IGSF11: variants seen among roughly 807,000 people sequenced by gnomAD.
IGSF11 encodes the protein immunoglobulin superfamily member 11, also known as CXADR like 1.
A neutral mutation model predicts 41.0 loss-of-function variants in IGSF11; 22 were observed. The ratio of observed to expected loss-of-function variants is 0.54; its 90% CI spans 0.38 to 0.77. The LOEUF (loss-of-function observed/expected upper bound fraction) is 0.77, where lower values mean the gene tolerates loss of function less well. Ranked by LOEUF, IGSF11 falls within the 30% of genes least tolerant of loss-of-function variation. The probability of loss-of-function intolerance (pLI) is 0.00; values close to 1 mark genes in which losing one functional copy is unlikely to be tolerated. For synonymous variants in IGSF11, 219 were observed against 201.3 expected (o/e 1.09, Z -0.74); for missense variants, 444 against 530.8 (o/e 0.84, Z 1.61).
chr3:119,010,409 A>C (rs1204528676), intron 1 of IGSF11, among the ~76,000 whole-genome samples: 1 of 152,260 alleles, frequency 6.6e-6, no homozygotes, highest in East Asian at 1.9e-4. Flanking sequence ...GGATATCCGG[A>C]AAGTGGGTAA....
At chr3:118,993,564 T>C (rs1245088155) in intron 1 of IGSF11, among the ~76,000 whole-genome samples, 4 of 152,214 alleles carry the variant, frequency 2.6e-5, no homozygotes, top group Admixed American at 6.5e-5. Context: ...ATTTATAGAA[T>C]ATGTGTTCAC....
intron 1 of IGSF11, among the ~76,000 whole-genome samples, chr3:119,134,435 G>A (rs952287278): frequency 2.0e-5 from 3 of 152,106 alleles, no homozygotes; most frequent in African/African-American, 4.8e-5. Flanking sequence ...CAAACAGAGA[G>A]CCAAATCATG....
chr3:119,001,817 C>A (rs1305104683), intron 1 of IGSF11, among the ~76,000 whole-genome samples: 1 of 141,882 alleles, frequency 7.0e-6, no homozygotes, highest in Non-Finnish European at 1.5e-5. Flanking sequence ...TTTTTTATGG[C>A]TGCATAGTAT....
chr3:118,905,940 C>A (rs78484603), intron 4 of IGSF11, among the ~76,000 whole-genome samples: 1 of 152,096 alleles, frequency 6.6e-6, no homozygotes, highest in South Asian at 2.1e-4. Context: ...TAAATCAGAA[C>A]AATCTTAAAA....
chr3:119,137,568 A>G (rs2077580154), intron 1 of IGSF11, among the ~76,000 whole-genome samples: 1 of 152,172 alleles, frequency 6.6e-6, no homozygotes, highest in Non-Finnish European at 1.5e-5. Flanking sequence ...AAAGAATCAA[A>G]TCAAAATTAA....
intron 1 of IGSF11, among the ~76,000 whole-genome samples, chr3:119,004,424 C>A (rs1175588796): frequency 6.6e-6 from 1 of 151,710 alleles, no homozygotes; most frequent in Non-Finnish European, 1.5e-5. Flanking sequence ...CTCCTGGATT[C>A]ATTGATTTTT....
intron 4 of IGSF11, among the ~76,000 whole-genome samples, chr3:118,917,316 G>A (rs1011648019): frequency 6.6e-6 from 1 of 150,506 alleles, no homozygotes; most frequent in Admixed American, 6.6e-5. Context: ...AATGAATCCA[G>A]GAGCTGGTTT....
intron 1 of IGSF11, among the ~76,000 whole-genome samples, chr3:119,088,776 C>T (rs1173661766): frequency 6.6e-6 from 1 of 152,030 alleles, no homozygotes; most frequent in Non-Finnish European, 1.5e-5. Context: ...CAACTGATCC[C>T]ACAGAAATAC....
chr3:118,939,575 C>CAAA (rs34558286), intron 1 of IGSF11, among the ~76,000 whole-genome samples: 66 of 137,460 alleles, frequency 4.8e-4, no homozygotes, highest in East Asian at 2.1e-3. Flanking sequence ...GACTCCGTCT[C>CAAA]AAAAAAAAAA....
chr3:119,054,888 G>A (rs1941762844), intron 1 of IGSF11, among the ~76,000 whole-genome samples: 2 of 144,710 alleles, frequency 1.4e-5, no homozygotes, highest in African/African-American at 4.9e-5. Flanking sequence ...TCCTCAAGTG[G>A]GTCCCTGACA....
chr3:118,911,668 A>C (rs1559880014), intron 4 of IGSF11, among the ~76,000 whole-genome samples: 1 of 151,662 alleles, frequency 6.6e-6, no homozygotes, highest in African/African-American at 2.4e-5. Flanking sequence ...AGAGAGAACA[A>C]AGAGGAGAGA....
chr3:118,921,196 G>C (rs924004920), intron 4 of IGSF11, among the ~76,000 whole-genome samples: 1 of 152,092 alleles, frequency 6.6e-6, no homozygotes, highest in African/African-American at 2.4e-5. Context: ...GCAATTTGCT[G>C]ATTATATTCC....
chr3:119,083,525 CACACACACACAA>C (rs1219873675), intron 1 of IGSF11, among the ~76,000 whole-genome samples: 1 of 118,802 alleles, frequency 8.4e-6, no homozygotes, highest in East Asian at 2.5e-4. Flanking sequence ...CACACACACA[CACACACACACAA>C]ACACACACAC....
At chr3:119,123,414 G>A (rs1294862963) in intron 1 of IGSF11, among the ~76,000 whole-genome samples, 1 of 152,214 alleles carries the variant, frequency 6.6e-6, no homozygotes, top group Non-Finnish European at 1.5e-5. Flanking sequence ...CCTGGCACCT[G>A]AGGTAACTCA....
intron 1 of IGSF11, among the ~76,000 whole-genome samples, chr3:118,939,137 C>G (rs551255134): frequency 6.6e-6 from 1 of 152,138 alleles, no homozygotes; most frequent in Non-Finnish European, 1.5e-5. Context: ...TTAAAGTAGA[C>G]ATGGAACATC....
At chr3:119,070,660 G>C (rs552152910) in intron 1 of IGSF11, among the ~76,000 whole-genome samples, 7 of 151,926 alleles carry the variant, frequency 4.6e-5, no homozygotes, top group Non-Finnish European at 8.8e-5. Flanking sequence ...CTTTGTTTTG[G>C]TTTGGGTTTT....
intron 1 of IGSF11, among the ~76,000 whole-genome samples, chr3:119,033,836 G>A (rs1040344269): frequency 2.0e-5 from 3 of 152,182 alleles, no homozygotes; most frequent in African/African-American, 7.2e-5. Flanking sequence ...CACCGAAAAT[G>A]TAAGAAAGAT....
intron 1 of IGSF11, among the ~76,000 whole-genome samples, chr3:119,142,127 T>C (rs1287349155): frequency 6.6e-6 from 1 of 151,800 alleles, no homozygotes; most frequent in Non-Finnish European, 1.5e-5. Flanking sequence ...TACAAAAAAT[T>C]AGCTGGGCAT....
intron 1 of IGSF11, among the ~76,000 whole-genome samples, chr3:119,113,916 A>G (rs2107523368): frequency 6.6e-6 from 1 of 152,328 alleles, no homozygotes. Context: ...GCCTCTGCAC[A>G]CCCACAGGCT....
Sources: gnomAD v4.1 joint callset for allele counts (sites outside exome capture counted in the v4.1 genomes callset) on GRCh38, gnomAD v4.1.1 for gene constraint, MANE v1.5 for transcripts, NCBI Gene and HGNC (gene_info 2026-07-23, HGNC 2026-07-21) for gene names.